Variants in FBXO33 observed in about 807,000 individuals in gnomAD.
The protein encoded by FBXO33 is F-box only protein 33.
In FBXO33, 22 loss-of-function variants were observed where a neutral mutation model predicts 46.3. That is an observed-to-expected ratio of 0.48 (90% CI 0.34 to 0.68). The LOEUF (loss-of-function observed/expected upper bound fraction) is 0.68, where lower values mean the gene tolerates loss of function less well. Among genes scored for constraint, FBXO33 ranks in the 30% least tolerant of loss-of-function variants. The pLI is 0.01. For missense variants in FBXO33, 692 were observed against 708.8 expected (o/e 0.98, Z 0.27); for synonymous variants, 337 against 291.3 (o/e 1.16, Z -1.60).
intron 1 of FBXO33, among the ~76,000 whole-genome samples, chr14:39,424,703 T>G (rs912037532): frequency 6.6e-6 from 1 of 152,130 alleles, no homozygotes; most frequent in African/African-American, 2.4e-5. Flanking sequence ...ATATGAGAGT[T>G]AATATAGCTA....
intron 1 of FBXO33, among the ~76,000 whole-genome samples, chr14:39,410,072 G>A (rs886273366): frequency 1.3e-5 from 2 of 152,134 alleles, no homozygotes; most frequent in Non-Finnish European, 2.9e-5. Flanking sequence ...TTGTTGAATA[G>A]AAGTGGCAAG....
At chr14:39,425,243 CTCTT>C (rs2075506794) in intron 1 of FBXO33, among the ~76,000 whole-genome samples, 1 of 152,150 alleles carries the variant, frequency 6.6e-6, no homozygotes. Flanking sequence ...ACCTTGTTCT[CTCTT>C]CTGTGGGTCA....
At position 39,399,122 on chromosome 14, in the gene FBXO33, C is replaced by A. The variant is rs1490043365; in HGVS notation, c.*394G>T. The A allele has an allele frequency of 1.3e-5, 2 of 154,662 alleles. No individual in the cohort carries two copies. Among genetic ancestry groups the A allele is most frequent in the African/African-American group, 4.8e-5 (2 of 41,518 alleles). 9.6% of individuals were successfully genotyped at this position (154,662 alleles called of 1,614,324 possible). On this transcript the variant is annotated 3_prime_UTR_variant, in exon 4 of 4. Coordinates refer to ENST00000298097, the MANE Select transcript of FBXO33 (RefSeq NM_203301.4). ...TGGATGCAGTGCATTGCATATAAAT[C>A]TACCAGGCTATGGATATATATCTAT...
Position 39,401,804 on chromosome 14 carries a change from G to C in FBXO33, c.768C>G (p.Ser256=), listed in dbSNP as rs886931892. The C allele has an allele frequency of 1.2e-6, 2 of 1,614,116 alleles. No individual in the cohort carries two copies. The highest frequency in any genetic ancestry group is 3.3e-5 in the Admixed American group (2 of 60,012). ...TTACTATTTCCAGCATAAACCCACA[G>C]GACAGCCATTTCAGTTGCCTACTAT... ...LSNSRQLKWL[S]CGFMLEIVTP... is the part of the protein sequence containing the mutation. Residue 256 remains serine, a synonymous_variant, in exon 3 of 4, where the codon TCC becomes TCG. Coordinates refer to ENST00000298097, the MANE Select transcript of FBXO33 (RefSeq NM_203301.4).
intron 1 of FBXO33, among the ~76,000 whole-genome samples, chr14:39,430,293 T>A (rs1005734586): frequency 6.6e-6 from 1 of 152,230 alleles, no homozygotes; most frequent in Non-Finnish European, 1.5e-5. Flanking sequence ...ACTGGAATAA[T>A]GGAGCCATAT....
At chr14:39,403,507 G>A (rs2139402339) in intron 1 of FBXO33, among the ~76,000 whole-genome samples, 1 of 152,322 alleles carries the variant, frequency 6.6e-6, no homozygotes, top group Non-Finnish European at 1.5e-5. Flanking sequence ...GGAGGTTGCA[G>A]TGAGCCAAGA....
At chr14:39,417,323 C>T (rs892408249) in intron 1 of FBXO33, among the ~76,000 whole-genome samples, 19 of 152,304 alleles carry the variant, frequency 1.2e-4, no homozygotes, top group African/African-American at 4.3e-4. Context: ...TGGCCAAGTG[C>T]AAGCTCCATT....
In FBXO33 at chr14:39,432,105, C is replaced by G; in HGVS notation, c.58G>C (p.Gly20Arg). The change falls in exon 1 of 4, where the codon GGG (glycine) becomes CGG (arginine). Residue 20 changes from glycine (G) to arginine (R), a missense_variant. Physicochemically the swap from Gly to Arg is moderately radical, Grantham distance 125 (BLOSUM62 -2). This residue lies in a region of FBXO33 where 412 missense variants were observed against 370.8 expected (regional missense o/e 1.11). Coordinates refer to ENST00000298097, the MANE Select transcript of FBXO33 (RefSeq NM_203301.4). ...CGCCACCGCGCCACCCGGGCGGCCC[C>G]GGCTCGGGTTCGAGCTCCCGGCGGT... Reference protein sequence around the residue: ...PRPPGARTRAGAARVARWRRL... With the variant: ...PRPPGARTRARAARVARWRRL... 1.6e-6 allele frequency: 2 copies of G among 1,243,274 alleles called. No homozygotes were observed. The highest frequency in any genetic ancestry group is 3.2e-5 in the East Asian group (1 of 31,640). The allele number at this position is 1,243,274 out of a possible 1,614,324, so 77.0% of individuals were successfully genotyped here.
chr14:39,417,111 C>T (rs963340242), intron 1 of FBXO33, among the ~76,000 whole-genome samples: 3 of 152,214 alleles, frequency 2.0e-5, no homozygotes. Flanking sequence ...AGGTTAGAGA[C>T]AAGGCTCACT....
rs746300679 is a variant in FBXO33 at position 39,401,618 on chromosome 14, A to G, written c.954T>C (p.Phe318=). The change falls in exon 3 of 4, where the codon TTT becomes TTC. Residue 318 remains phenylalanine (F), a synonymous_variant. Transcript: ENST00000298097. ...TTAAGACTCTTGCCATCTCAGCTGT[A>G]AAGTCACAAAAATCCAAGGCAAGTG... is the stretch of plus-strand genomic sequence containing the variant. ...LHSLALDFCD[F]TAEMARVLTD... is the part of the protein sequence containing the mutation. The G allele has an allele frequency of 6.2e-7, 1 of 1,614,206 alleles. No individual in the cohort carries two copies. Among genetic ancestry groups the G allele is most frequent in the Non-Finnish European group, 8.5e-7 (1 of 1,180,024 alleles).
In FBXO33 at chr14:39,399,173, T is replaced by G. The variant is rs1049734855; in HGVS notation, c.*343A>C. On this transcript the variant is annotated 3_prime_UTR_variant, in exon 4 of 4. Transcript: ENST00000298097. ...ATATGTATAAAAATATTTTGGCTCC[T>G]GAGCTCTGAACTCTGACACACAAAG... The G allele has an allele frequency of 2.4e-5, 4 of 169,890 alleles. No individual in the cohort carries two copies. The highest frequency in any genetic ancestry group is 2.5e-5 in the Non-Finnish European group (2 of 79,702). The allele number at this position is 169,890 out of a possible 1,614,324, so 10.5% of individuals were successfully genotyped here. A position where few individuals can be genotyped will look rare whatever the true frequency, so the allele number is the denominator to read the frequency against.
At position 39,398,780 on chromosome 14, in the gene FBXO33, C is replaced by G. The variant is rs2075355448; in HGVS notation, c.*736G>C. 6.6e-6 allele frequency: 1 copy of G among 152,652 alleles called. No homozygotes were observed. Among genetic ancestry groups the G allele is most frequent in the South Asian group, 2.1e-4 (1 of 4,834 alleles). The allele number at this position is 152,652 out of a possible 1,614,324, so 9.5% of individuals were successfully genotyped here. On this transcript the variant is annotated 3_prime_UTR_variant, in exon 4 of 4. Coordinates refer to ENST00000298097, the MANE Select transcript of FBXO33 (RefSeq NM_203301.4). Reference sequence around the variant, plus strand: ...CTTTAGGAGATTTTACTCTGAAATACAGTTTCTTTCTTCCCCCACTATTTG... The same window carrying G: ...CTTTAGGAGATTTTACTCTGAAATAGAGTTTCTTTCTTCCCCCACTATTTG...
intron 1 of FBXO33, among the ~76,000 whole-genome samples, chr14:39,410,783 ATTC>A (rs1474482675): frequency 1.3e-5 from 2 of 152,098 alleles, no homozygotes; most frequent in Admixed American, 6.5e-5. Flanking sequence ...GAATTTATTT[ATTC>A]TTCTAGATTA....
At chr14:39,427,555 T>C (rs1303569727) in intron 1 of FBXO33, among the ~76,000 whole-genome samples, 1 of 152,188 alleles carries the variant, frequency 6.6e-6, no homozygotes, top group Admixed American at 6.5e-5. Context: ...AAAATAAGGC[T>C]AAAAACTGTT....
At chr14:39,402,832 G>A (rs900052898) in intron 1 of FBXO33, among the ~76,000 whole-genome samples, 1 of 152,094 alleles carries the variant, frequency 6.6e-6, no homozygotes, top group Admixed American at 6.5e-5. Context: ...ACAGGCGCCC[G>A]CCACCATGCC....
chr14:39,427,334 T>C (rs549281179), intron 1 of FBXO33, among the ~76,000 whole-genome samples: 1 of 152,298 alleles, frequency 6.6e-6, no homozygotes, highest in East Asian at 1.9e-4. Context: ...AAGGAGCCTC[T>C]TTTTCAGTTT....
chr14:39,420,444 G>A (rs982080674), intron 1 of FBXO33, among the ~76,000 whole-genome samples: 105 of 152,244 alleles, frequency 6.9e-4, no homozygotes, highest in African/African-American at 1.9e-3. Flanking sequence ...TAATCTCAGC[G>A]CTTTGGGAGG....
chr14:39,401,809 G>A lies in FBXO33; in HGVS notation c.763C>T (p.Leu255=). The A allele has an allele frequency of 6.2e-7, 1 of 1,614,064 alleles. No individual in the cohort carries two copies. Among genetic ancestry groups the A allele is most frequent in the South Asian group, 1.1e-5 (1 of 91,044 alleles). ...ATTTCCAGCATAAACCCACAGGACA[G>A]CCATTTCAGTTGCCTACTATTACTC... ...ILSNSRQLKW[L]SCGFMLEIVT... is the part of the protein sequence containing the mutation. The change falls in exon 3 of 4, where the codon CTG becomes TTG. Residue 255 remains leucine, a synonymous_variant. Transcript: ENST00000298097.
rs1447258309 is a variant in FBXO33 at position 39,431,950 on chromosome 14, C to A, written c.213G>T (p.Leu71=). The A allele has an allele frequency of 6.5e-7, 1 of 1,530,166 alleles. No homozygotes were observed. Among genetic ancestry groups the A allele is most frequent in the Admixed American group, 2.0e-5 (1 of 50,374 alleles). 94.8% of individuals were successfully genotyped at this position (1,530,166 alleles called of 1,614,324 possible). The change falls in exon 1 of 4, where the codon CTG becomes CTT. Residue 71 remains leucine (L), a synonymous_variant. Coordinates refer to ENST00000298097, the MANE Select transcript of FBXO33 (RefSeq NM_203301.4). ...AGATGTGCACGATCAGCTCGCTGGG[C>A]AGCGACGCAGCGCCCGCCGCCTGCC... ...LCGQAAGAAS[L]PSELIVHIFS... is the part of the protein sequence containing the mutation.
Sources: gnomAD v4.1 joint callset for allele counts (sites outside exome capture counted in the v4.1 genomes callset) on GRCh38, gnomAD v4.1.1 for gene constraint, gnomAD v4.1.1 regional missense constraint, MANE v1.5 for transcripts, NCBI Gene and HGNC (gene_info 2026-07-23, HGNC 2026-07-21) for gene names.